Variants in SNX29 observed in about 807,000 individuals in gnomAD.
SNX29 encodes the protein sorting nexin-29.
In SNX29, 78 loss-of-function variants were observed where a neutral mutation model predicts 102.1. That is an observed-to-expected ratio of 0.76 (90% CI 0.64 to 0.92). SNX29 has a LOEUF of 0.92. Among genes scored for constraint, SNX29 ranks in the 40% least tolerant of loss-of-function variants. The pLI is 0.00. For synonymous variants in SNX29, 580 were observed against 414.5 expected, an observed-to-expected ratio of 1.40 and a Z score of -4.85; for missense variants, 1,280 against 1,061.7, an observed-to-expected ratio of 1.21 and a Z score of -2.86.
chr16:12,066,516 T>A (rs1035578079), intron 9 of SNX29, among the ~76,000 whole-genome samples: 6 of 152,126 alleles, frequency 3.9e-5, no homozygotes, highest in African/African-American at 1.4e-4. Flanking sequence ...GATGTGGGAC[T>A]GAGATTCAAG....
intron 4 of SNX29, among the ~76,000 whole-genome samples, chr16:12,035,656 G>C (rs1045937486): frequency 2.0e-5 from 3 of 152,126 alleles, no homozygotes; most frequent in Non-Finnish European, 4.4e-5. Context: ...CTTTGTTCCT[G>C]GCATGGCTGA....
intron 14 of SNX29, among the ~76,000 whole-genome samples, chr16:12,272,319 A>G (rs1175664387): frequency 2.6e-5 from 4 of 152,208 alleles, no homozygotes; most frequent in Middle Eastern, 3.2e-3. Flanking sequence ...GGTTGAATGA[A>G]TTGTGATGAG....
chr16:12,258,499 T>C (rs556063911), intron 14 of SNX29, among the ~76,000 whole-genome samples: 6 of 152,168 alleles, frequency 3.9e-5, no homozygotes, highest in African/African-American at 1.4e-4. Context: ...GTGTATGTTT[T>C]GCATAGAAAT....
intron 16 of SNX29, among the ~76,000 whole-genome samples, chr16:12,359,420 C>A (rs1304113735): frequency 6.6e-6 from 1 of 152,218 alleles, no homozygotes; most frequent in Non-Finnish European, 1.5e-5. Context: ...TTTGCCTGTT[C>A]CCCATTCTGG....
intron 16 of SNX29, among the ~76,000 whole-genome samples, chr16:12,378,713 G>T (rs978001095): frequency 6.6e-6 from 1 of 152,162 alleles, no homozygotes; most frequent in Non-Finnish European, 1.5e-5. Context: ...ATAGCAGCAA[G>T]TGTCAGCTTC....
intron 13 of SNX29, among the ~76,000 whole-genome samples, chr16:12,179,696 C>T (rs1424189558): frequency 4.6e-5 from 7 of 152,174 alleles, no homozygotes; most frequent in Admixed American, 1.3e-4. Flanking sequence ...TCATCTGTGA[C>T]GGATTCTGCA....
intron 11 of SNX29, among the ~76,000 whole-genome samples, chr16:12,112,566 G>T (rs1161237497): frequency 1.3e-5 from 2 of 152,216 alleles, no homozygotes; most frequent in African/African-American, 4.8e-5. Context: ...TTTAGCTGGG[G>T]AGGCTGTGAA....
At chr16:12,544,751 A>AC (rs1468012428) in intron 20 of SNX29, among the ~76,000 whole-genome samples, 1 of 152,182 alleles carries the variant, frequency 6.6e-6, no homozygotes, top group African/African-American at 2.4e-5. Flanking sequence ...AGGTGAAGGG[A>AC]CGTGCTCTGG....
chr16:12,537,445 A>C (rs1239633851), intron 20 of SNX29, among the ~76,000 whole-genome samples: 3 of 152,146 alleles, frequency 2.0e-5, no homozygotes, highest in Admixed American at 6.5e-5. Flanking sequence ...AGCCTTGTGA[A>C]CTTCACCTCT....
At chr16:12,562,301 T>C (rs749693602) in intron 20 of SNX29, among the ~76,000 whole-genome samples, 8 of 152,216 alleles carry the variant, frequency 5.3e-5, no homozygotes, top group Non-Finnish European at 1.2e-4. Context: ...TCAAACGTTA[T>C]CGTTGGCTTT....
intron 20 of SNX29, among the ~76,000 whole-genome samples, chr16:12,537,896 A>T (rs1038900645): frequency 1.3e-5 from 2 of 151,334 alleles, no homozygotes; most frequent in African/African-American, 4.9e-5. Context: ...AAGGCAGGAG[A>T]GTCACTGGAA....
At position 12,572,014 on chromosome 16, in the gene SNX29, C is replaced by T; in HGVS notation, c.*3385C>T. 1 of 1,062,788 alleles carries T rather than the reference C, an allele frequency of 9.4e-7. No individual in the cohort carries two copies. Among genetic ancestry groups the T allele is most frequent in the Non-Finnish European group, 1.1e-6 (1 of 877,728 alleles). The allele number at this position is 1,062,788 out of a possible 1,614,324, so 65.8% of individuals were successfully genotyped here. ...GTCACCAGTTGCATCTAGGGAGCTGCTGGCTATAAAAGGGATCATCCAGTG... is the reference window on the plus strand; with the variant it reads ...GTCACCAGTTGCATCTAGGGAGCTGTTGGCTATAAAAGGGATCATCCAGTG... On this transcript the variant is annotated 3_prime_UTR_variant, in exon 21 of 21. Transcript: ENST00000566228.
At chr16:12,546,367 C>G (rs879817291) in intron 20 of SNX29, 1 of 152,062 alleles carries the variant, frequency 6.6e-6, no homozygotes, top group African/African-American at 2.4e-5. Context: ...CTGGGGAGGC[C>G]TCACAATCAC....
At chr16:12,352,947 A>T (rs2082027779) in intron 15 of SNX29, among the ~76,000 whole-genome samples, 1 of 152,184 alleles carries the variant, frequency 6.6e-6, no homozygotes, top group African/African-American at 2.4e-5. Flanking sequence ...TGATGTCAGG[A>T]CACAAGTGCC....
intron 20 of SNX29, among the ~76,000 whole-genome samples, chr16:12,564,985 C>G (rs1252187620): frequency 2.6e-5 from 4 of 151,866 alleles, no homozygotes; most frequent in African/African-American, 9.7e-5. Flanking sequence ...GTTTCAGCTT[C>G]CGACTACAGC....
chr16:12,330,986 CACA>C (rs1402535776), intron 15 of SNX29, among the ~76,000 whole-genome samples: 1 of 152,254 alleles, frequency 6.6e-6, no homozygotes, highest in African/African-American at 2.4e-5. Flanking sequence ...CTGTTGTCCA[CACA>C]CTGGGAGCAA....
At chr16:12,201,358 G>A (rs1425074243) in intron 14 of SNX29, among the ~76,000 whole-genome samples, 1 of 152,094 alleles carries the variant, frequency 6.6e-6, no homozygotes, top group Non-Finnish European at 1.5e-5. Flanking sequence ...TACATACTTG[G>A]AATGAATAGT....
At chr16:12,125,969 T>C (rs756262160) in intron 11 of SNX29, among the ~76,000 whole-genome samples, 6 of 152,168 alleles carry the variant, frequency 3.9e-5, no homozygotes, top group Non-Finnish European at 7.3e-5. Flanking sequence ...CACATCGCTG[T>C]CTGGGGCTGA....
chr16:12,344,868 C>T (rs1197977328), intron 15 of SNX29, among the ~76,000 whole-genome samples: 8 of 152,358 alleles, frequency 5.3e-5, no homozygotes, highest in Admixed American at 1.3e-4. Flanking sequence ...CCTGTAACCA[C>T]TGTGCTTTTG....
Sources: gnomAD v4.1 joint callset for allele counts (sites outside exome capture counted in the v4.1 genomes callset) on GRCh38, gnomAD v4.1.1 for gene constraint, MANE v1.5 for transcripts, NCBI Gene and HGNC (gene_info 2026-07-23, HGNC 2026-07-21) for gene names.